Variants in PDE4D observed in about 807,000 individuals in gnomAD.
The protein encoded by PDE4D is 3',5'-cyclic-AMP phosphodiesterase 4D.
Under a neutral mutation model 87.4 loss-of-function variants are expected in PDE4D, and 24 were observed. The ratio of observed to expected loss-of-function variants is 0.27; its 90% CI spans 0.20 to 0.39. The LOEUF is 0.39. Ranked by LOEUF, PDE4D falls within the 10% of genes least tolerant of loss-of-function variation. PDE4D has a pLI of 1.00. For missense variants in PDE4D, 714 were observed against 1,041.0 expected, an observed-to-expected ratio of 0.69 and a Z score of 4.32; for synonymous variants, 384 against 383.2, an observed-to-expected ratio of 1.00 and a Z score of -0.02.
At chr5:59,114,236 A>T (rs2153441027) in intron 5 of PDE4D, among the ~76,000 whole-genome samples, 1 of 152,298 alleles carries the variant, frequency 6.6e-6, no homozygotes, top group African/African-American at 2.4e-5. Context: ...ATCCCTTTAA[A>T]TATATACAAG....
At chr5:59,533,814 G>C (rs1030217532) in intron 1 of PDE4D, among the ~76,000 whole-genome samples, 1 of 152,156 alleles carries the variant, frequency 6.6e-6, no homozygotes, top group South Asian at 2.1e-4. Flanking sequence ...ATGATCATTA[G>C]TGGATGCCCT....
chr5:60,517,469 C>A (rs930708517), intron 1 of PDE4D, among the ~76,000 whole-genome samples: 2 of 152,200 alleles, frequency 1.3e-5, no homozygotes, highest in African/African-American at 2.4e-5. Flanking sequence ...GTCCATAGAC[C>A]AATTAGCACT....
chr5:59,108,621 C>A (rs534496452), intron 5 of PDE4D, among the ~76,000 whole-genome samples: 1 of 152,120 alleles, frequency 6.6e-6, no homozygotes, highest in African/African-American at 2.4e-5. Flanking sequence ...TGGCCAGGTG[C>A]GGTGGCTCAC....
intron 2 of PDE4D, among the ~76,000 whole-genome samples, chr5:60,006,140 A>G (rs1003066491): frequency 6.6e-6 from 1 of 151,898 alleles, no homozygotes; most frequent in African/African-American, 2.4e-5. Context: ...ATAATTGTAG[A>G]GGAAGGAAAT....
At chr5:59,568,226 A>C (rs1410433851) in intron 1 of PDE4D, among the ~76,000 whole-genome samples, 1 of 152,182 alleles carries the variant, frequency 6.6e-6, no homozygotes, top group African/African-American at 2.4e-5. Context: ...GGGACACAAG[A>C]AATAGTACCC....
chr5:59,332,795 G>T (rs1295589134), intron 1 of PDE4D, among the ~76,000 whole-genome samples: 2 of 152,114 alleles, frequency 1.3e-5, no homozygotes. Flanking sequence ...TTATAAGTGG[G>T]GTAGATACAA....
intron 1 of PDE4D, among the ~76,000 whole-genome samples, chr5:60,379,517 A>C (rs142950556): frequency 9.0e-4 from 137 of 152,352 alleles, no homozygotes; most frequent in African/African-American, 3.1e-3. Context: ...GTCCTCAGCC[A>C]CAGACATCTA....
chr5:59,515,709 C>T (rs1811037919), intron 1 of PDE4D, among the ~76,000 whole-genome samples: 1 of 152,136 alleles, frequency 6.6e-6, no homozygotes, highest in South Asian at 2.1e-4. Context: ...CAGAAGTCTA[C>T]AGTGGATGTG....
chr5:59,539,266 A>G (rs925055255), intron 1 of PDE4D, among the ~76,000 whole-genome samples: 3 of 152,148 alleles, frequency 2.0e-5, no homozygotes, highest in African/African-American at 7.2e-5. Flanking sequence ...AAGACCACAG[A>G]GTTCAGATTT....
chr5:59,483,224 T>G (rs906122229), intron 1 of PDE4D, among the ~76,000 whole-genome samples: 3 of 152,198 alleles, frequency 2.0e-5, no homozygotes, highest in African/African-American at 7.2e-5. Context: ...CTGCAGATCT[T>G]GGAACTTCTC....
intron 1 of PDE4D, among the ~76,000 whole-genome samples, chr5:59,601,391 G>A (rs1827485611): frequency 6.8e-6 from 1 of 147,858 alleles, no homozygotes; most frequent in South Asian, 2.2e-4. Flanking sequence ...CAACTGGGGA[G>A]CTGCTGCAGT....
intron 2 of PDE4D, among the ~76,000 whole-genome samples, chr5:60,013,850 C>G (rs753926625): frequency 1.9e-4 from 28 of 147,032 alleles, no homozygotes; most frequent in Non-Finnish European, 3.3e-4. Flanking sequence ...CCCTTGGAGT[C>G]AGCCTCCATA....
chr5:59,676,272 TAG>T (rs901467947), intron 1 of PDE4D, among the ~76,000 whole-genome samples: 12 of 152,324 alleles, frequency 7.9e-5, no homozygotes, highest in African/African-American at 2.9e-4. Context: ...GTTGCATACT[TAG>T]AGTTTTCTTA....
rs535361377 is a variant in PDE4D, at chr5:59,806,112, C to A, written c.455+87056G>T. On this transcript the variant is annotated intron_variant, in intron 1 of 14. Coordinates refer to ENST00000340635, the MANE Select transcript of PDE4D (RefSeq NM_001104631.2). Reference sequence around the variant, plus strand: ...TGTTATTAGCCAGTTCAATAAACCACTGGGCTCCCCAGCCATGCTAACAGG... The same window carrying A: ...TGTTATTAGCCAGTTCAATAAACCAATGGGCTCCCCAGCCATGCTAACAGG... Among the ~76,000 whole-genome samples the A allele has an allele frequency of 3.9e-5, 6 of 152,326 alleles. No individual in the cohort carries two copies. In the East Asian group the frequency reaches 1.2e-3, roughly 29 times the overall value.
At chr5:59,139,697 C>G (rs566836104) in intron 5 of PDE4D, among the ~76,000 whole-genome samples, 2 of 151,312 alleles carry the variant, frequency 1.3e-5, no homozygotes, top group South Asian at 4.2e-4. Context: ...CCAGGCTGGT[C>G]TCAAACTCCT....
intron 1 of PDE4D, among the ~76,000 whole-genome samples, chr5:59,422,848 A>T (rs1217815172): frequency 6.6e-6 from 1 of 151,936 alleles, no homozygotes; most frequent in African/African-American, 2.4e-5. Flanking sequence ...TTTTTATTAA[A>T]CTCTAGCAGT....
intron 1 of PDE4D, among the ~76,000 whole-genome samples, chr5:59,672,590 A>G (rs937953660): frequency 1.3e-5 from 2 of 152,166 alleles, no homozygotes; most frequent in African/African-American, 2.4e-5. Context: ...ATTAGTAATT[A>G]TTTTTGCATA....
At chr5:59,425,238 T>G (rs1795021915) in intron 1 of PDE4D, among the ~76,000 whole-genome samples, 1 of 152,178 alleles carries the variant, frequency 6.6e-6, no homozygotes, top group Non-Finnish European at 1.5e-5. Context: ...GAAAGTATTT[T>G]CATGAATACC....
intron 1 of PDE4D, among the ~76,000 whole-genome samples, chr5:59,880,518 T>C (rs998857309): frequency 6.6e-6 from 1 of 152,326 alleles, no homozygotes; most frequent in Middle Eastern, 3.4e-3. Context: ...GTTAAAACAA[T>C]CTCTGGGGAA....
Sources: gnomAD v4.1 joint callset for allele counts (sites outside exome capture counted in the v4.1 genomes callset) on GRCh38, gnomAD v4.1.1 for gene constraint, MANE v1.5 for transcripts, NCBI Gene and HGNC (gene_info 2026-07-23, HGNC 2026-07-21) for gene names.